The following AHCTF1 variants were observed in gnomAD, a reference collection of about 807,000 sequenced individuals.
The protein encoded by AHCTF1 is AT-hook containing transcription factor 1.
A neutral mutation model predicts 248.4 loss-of-function variants in AHCTF1; 24 were observed. The observed-to-expected ratio is 0.10, with a 90% CI of 0.07 to 0.14. The LOEUF (loss-of-function observed/expected upper bound fraction) is 0.14, where lower values mean the gene tolerates loss of function less well. Among genes scored for constraint, AHCTF1 ranks in the 10% least tolerant of loss-of-function variants. The pLI, the probability that AHCTF1 is intolerant of heterozygous loss-of-function variation, is 1.00. For missense variants in AHCTF1, 2,206 were observed against 2,636.2 expected, an observed-to-expected ratio of 0.84 and a Z score of 3.57; for synonymous variants, 786 against 929.8, an observed-to-expected ratio of 0.85 and a Z score of 2.81.
In AHCTF1 at chr1:246,902,627, T is replaced by C. The variant is rs1665085590; in HGVS notation, c.1015A>G (p.Met339Val). Residue 339 changes from methionine to valine, a missense_variant, in exon 8 of 36, where the codon ATG becomes GTG. Transcript: ENST00000648844. ...CTCGTCTGTCCCCTCAAAGGGAACA[T>C]GCCACCTGTCAGGTCCAGGGTGTAT... ...ERYTLDLTGG[M>V]FPLRGQTSNT... 2 of 1,613,222 alleles carry C rather than the reference T, an allele frequency of 1.2e-6. No homozygotes were observed. Among genetic ancestry groups the C allele is most frequent in the South Asian group, 1.1e-5 (1 of 91,036 alleles).
chr1:246,916,038 T>C, intron 3 of AHCTF1, 104 bp downstream of exon 3: 1 of 1,323,146 alleles, frequency 7.6e-7, no homozygotes, highest in Non-Finnish European at 1.0e-6. Context: ...ATACAAATTG[T>C]AAATGTTGCG....
chr1:246,873,452 T>G (rs565812572), intron 24 of AHCTF1, among the ~76,000 whole-genome samples: 2 of 146,262 alleles, frequency 1.4e-5, no homozygotes, highest in East Asian at 3.9e-4. Context: ...TCCTGCATCA[T>G]AGCGAAGGGA....
chr1:246,845,949 C>G (rs1436775651), intron 33 of AHCTF1, among the ~76,000 whole-genome samples: 1 of 146,694 alleles, frequency 6.8e-6, no homozygotes, highest in Admixed American at 7.1e-5. Flanking sequence ...GCAGTAGTAG[C>G]TCTAGAACAA....
chr1:246,928,405 G>A (rs780728492), intron 1 of AHCTF1, among the ~76,000 whole-genome samples: 5 of 151,812 alleles, frequency 3.3e-5, no homozygotes, highest in African/African-American at 4.8e-5. Context: ...CTGGGCATTC[G>A]ACAAGGTCAC....
At chr1:246,887,907 ACTTTTTGAGTGT>A (rs1026176064) in intron 19 of AHCTF1, among the ~76,000 whole-genome samples, 11 of 152,328 alleles carry the variant, frequency 7.2e-5, no homozygotes, top group Admixed American at 5.9e-4. Flanking sequence ...ACTGTTGTTA[ACTTTTTGAGTGT>A]CTTGGACACA....
chr1:246,922,686 T>C (rs948035267), intron 1 of AHCTF1, among the ~76,000 whole-genome samples: 1 of 149,460 alleles, frequency 6.7e-6, no homozygotes, highest in African/African-American at 2.5e-5. Flanking sequence ...GAGACACCTA[T>C]CAATAGTATC....
At chr1:246,853,693 T>A (rs1362117202) in intron 31 of AHCTF1, among the ~76,000 whole-genome samples, 1 of 152,168 alleles carries the variant, frequency 6.6e-6, no homozygotes, top group African/African-American at 2.4e-5. Flanking sequence ...ACAACTAGGA[T>A]AAAGAATGAA....
intron 26 of AHCTF1, 127 bp downstream of exon 26, chr1:246,867,117 A>G: frequency 1.7e-6 from 1 of 582,154 alleles, no homozygotes; most frequent in South Asian, 3.8e-5. Context: ...AAAGTATAAT[A>G]AAAAGCAAAC....
intron 1 of AHCTF1, among the ~76,000 whole-genome samples, chr1:246,923,171 T>C (rs1666695320): frequency 1.3e-5 from 2 of 150,786 alleles, no homozygotes; most frequent in Non-Finnish European, 1.5e-5. Context: ...TCCCAGCACT[T>C]TGGGAGGCCG....
chr1:246,916,602 C>T (rs1279280795), intron 2 of AHCTF1, among the ~76,000 whole-genome samples: 1 of 152,022 alleles, frequency 6.6e-6, no homozygotes, highest in African/African-American at 2.4e-5. Flanking sequence ...TGGAGTAAGC[C>T]GAGATCATGC....
At chr1:246,861,923 A>C in intron 28 of AHCTF1, 36 bp downstream of exon 28, 1 of 1,550,146 alleles carries the variant, frequency 6.5e-7, no homozygotes. Context: ...ATTCTTATTA[A>C]AAAATGTCTT....
chr1:246,853,421 T>C (rs1660866993), intron 31 of AHCTF1, 122 bp from the exon 32 acceptor site: 2 of 728,674 alleles, frequency 2.7e-6, no homozygotes, highest in African/African-American at 3.6e-5. Flanking sequence ...ACTATCACAA[T>C]GCCAGAAAAG....
At chr1:246,887,184 G>A in intron 20 of AHCTF1, 27 bp downstream of exon 20, 1 of 1,572,824 alleles carries the variant, frequency 6.4e-7, no homozygotes, top group Non-Finnish European at 8.6e-7. Context: ...ATTCATGAAA[G>A]TTTATGCTGT....
chr1:246,887,495 G>C, intron 19 of AHCTF1, 138 bp from the exon 20 acceptor site: 1 of 835,042 alleles, frequency 1.2e-6, no homozygotes, highest in Non-Finnish European at 1.8e-6. Flanking sequence ...AGCCATCATG[G>C]AGAGTCAGCA....
chr1:246,931,242 T>G, intron 1 of AHCTF1: 1 of 1,549,522 alleles, frequency 6.5e-7, no homozygotes, highest in South Asian at 1.2e-5. Context: ...GGGAGAACAG[T>G]GGGAAAGGGT....
Position 246,877,066 on chromosome 1 carries a change from A to G in AHCTF1, c.2821T>C (p.Phe941Leu), listed in dbSNP as rs533747523. 6.2e-7 allele frequency: 1 copy of G among 1,612,220 alleles called. No homozygotes were observed. The highest frequency in any genetic ancestry group is 8.5e-7 in the Non-Finnish European group (1 of 1,179,962). The change falls in exon 23 of 36, where the codon TTT (phenylalanine) becomes CTT (leucine). Residue 941 changes from phenylalanine (F) to leucine (L), a missense_variant. By Grantham distance (22) the Phe-to-Leu change is conservative. Around this residue, in one of 6 missense-constraint regions of AHCTF1, gnomAD observed 955 missense variants for 1,055.6 expected, o/e 0.90. Coordinates refer to ENST00000648844, the MANE Select transcript of AHCTF1 (RefSeq NM_001323342.2). ...TDTEQECLVK[F>L]LQSSASVQNH... ...TGAACGCTGGCACTGGACTGCAAAA[A>G]TTTCACTAAACATTCCTAAAAAGAA...
rs1660717878 is a variant in AHCTF1 at position 246,851,496 on chromosome 1, C to G, written c.4564-54G>C. On this transcript the variant is annotated intron_variant, in intron 32 of 35. Coordinates refer to ENST00000648844, the MANE Select transcript of AHCTF1 (RefSeq NM_001323342.2). ...TAAAGAATTTTAATACATGTTTTAACTTGAAGCACACAGGTTTTTGATGAC... is the reference window on the plus strand; with the variant it reads ...TAAAGAATTTTAATACATGTTTTAAGTTGAAGCACACAGGTTTTTGATGAC... 5.4e-6 allele frequency: 8 copies of G among 1,478,154 alleles called. No individual in the cohort carries two copies. In the Admixed American group the frequency reaches 1.9e-4, roughly 36 times the overall value. The allele number at this position is 1,478,154 out of a possible 1,614,324, so 91.6% of individuals were successfully genotyped here.
At chr1:246,867,563 A>G in intron 25 of AHCTF1, 98 bp downstream of exon 25, 3 of 1,461,120 alleles carry the variant, frequency 2.1e-6, no homozygotes, top group Non-Finnish European at 2.8e-6. Flanking sequence ...ACATACACTA[A>G]TAAACTTAGG....
In AHCTF1 at chr1:246,867,733, T is replaced by C; in HGVS notation, c.3167A>G (p.Asn1056Ser). The stretch of plus-strand genomic sequence containing the variant: ...TTCTCCAATTTTAGATAACACATTG[T>C]TGATGAAAACAGATCTTGTCAACAC... The part of the protein sequence containing the change: ...GTVLTRSVFI[N>S]NVLSKIGEVW... Residue 1056 changes from asparagine to serine, a missense_variant, in exon 25 of 36, where the codon AAC becomes AGC. By Grantham distance (46) the Asn-to-Ser change is conservative. Coordinates refer to ENST00000648844, the MANE Select transcript of AHCTF1 (RefSeq NM_001323342.2). 3 of 1,612,650 alleles carry C rather than the reference T, an allele frequency of 1.9e-6. No homozygotes were observed. The highest frequency in any genetic ancestry group is 1.3e-5 in the African/African-American group (1 of 74,982).
Sources: gnomAD v4.1 joint callset for allele counts (sites outside exome capture counted in the v4.1 genomes callset) on GRCh38, gnomAD v4.1.1 for gene constraint, gnomAD v4.1.1 regional missense constraint, MANE v1.5 for transcripts, NCBI Gene and HGNC (gene_info 2026-07-23, HGNC 2026-07-21) for gene names.